FLVCR1: variants seen among roughly 807,000 people sequenced by gnomAD.
FLVCR1 encodes the protein FLVCR choline and heme transporter 1.
A neutral mutation model predicts 53.6 loss-of-function variants in FLVCR1; 34 were observed. The ratio of observed to expected loss-of-function variants is 0.63; its 90% CI spans 0.48 to 0.84. The LOEUF (loss-of-function observed/expected upper bound fraction) is 0.84, where lower values mean the gene tolerates loss of function less well. FLVCR1 is among the 40% of genes least tolerant of loss of function. The probability of loss-of-function intolerance (pLI) is 0.00; values close to 1 mark genes in which losing one functional copy is unlikely to be tolerated. For synonymous variants in FLVCR1, 300 were observed against 286.3 expected (o/e 1.05, Z -0.48); for missense variants, 677 against 696.7 (o/e 0.97, Z 0.32).
At chr1:212,885,015 C>CA (rs1183268851) in intron 4 of FLVCR1, among the ~76,000 whole-genome samples, 1 of 152,194 alleles carries the variant, frequency 6.6e-6, no homozygotes, top group Non-Finnish European at 1.5e-5. Context: ...AGAATCCTAA[C>CA]AAAAATCATT....
intron 2 of FLVCR1, among the ~76,000 whole-genome samples, chr1:212,867,691 A>G (rs1305883182): frequency 6.6e-6 from 1 of 152,228 alleles, no homozygotes; most frequent in Non-Finnish European, 1.5e-5. Context: ...CAATTAAAAT[A>G]CTTTCCTGAT....
At chr1:212,866,765 G>A (rs151039008) in intron 2 of FLVCR1, among the ~76,000 whole-genome samples, 207 of 152,060 alleles carry the variant, frequency 1.4e-3, no homozygotes, top group African/African-American at 4.9e-3. Flanking sequence ...GAAATGAGGG[G>A]AAAATAATGG....
chr1:212,872,656 T>A lies in FLVCR1; in HGVS notation c.884-22T>A, dbSNP rs765536154. 3.5e-5 allele frequency: 54 copies of A among 1,553,930 alleles called. 1 individual carries two copies. Among genetic ancestry groups the A allele is most frequent in the South Asian group, 3.0e-4 (27 of 89,712 alleles). On this transcript the variant is annotated intron_variant, in intron 2 of 9. Coordinates refer to ENST00000366971, the MANE Select transcript of FLVCR1 (RefSeq NM_014053.4). ...TTGTATATATATTAAATATACATAATCCTTTTCGTGTATATTCTCAGCCTT... is the reference window on the plus strand; with the variant it reads ...TTGTATATATATTAAATATACATAAACCTTTTCGTGTATATTCTCAGCCTT...
chr1:212,863,932 C>T, intron 2 of FLVCR1, 63 bp downstream of exon 2: 2 of 1,417,104 alleles, frequency 1.4e-6, no homozygotes, highest in South Asian at 2.3e-5. Flanking sequence ...GAATAACTAA[C>T]TCTGGAAATT....
intron 4 of FLVCR1, among the ~76,000 whole-genome samples, chr1:212,883,993 C>T (rs1425738281): frequency 6.6e-6 from 1 of 152,178 alleles, no homozygotes; most frequent in Non-Finnish European, 1.5e-5. Flanking sequence ...TTTAATTTAA[C>T]ATATTTAATC....
In FLVCR1 at chr1:212,898,934, A is replaced by G. The variant is rs986401377; in HGVS notation, c.*3644A>G. Reference sequence around the variant, plus strand: ...AGAACAGATAATACATTGTGCTACAATGTAACAATGGCTGTGGCATCACTA... The same window carrying G: ...AGAACAGATAATACATTGTGCTACAGTGTAACAATGGCTGTGGCATCACTA... On this transcript the variant is annotated 3_prime_UTR_variant, in exon 10 of 10. Coordinates refer to ENST00000366971, the MANE Select transcript of FLVCR1 (RefSeq NM_014053.4). 1 of 152,270 alleles carries G rather than the reference A, an allele frequency of 6.6e-6. No homozygotes were observed. The highest frequency in any genetic ancestry group is 6.5e-5 in the Admixed American group (1 of 15,282). 9.4% of individuals were successfully genotyped at this position (152,270 alleles called of 1,614,324 possible). A position where few individuals can be genotyped will look rare whatever the true frequency, so the allele number is the denominator to read the frequency against.
chr1:212,871,318 G>A (rs964945044), intron 2 of FLVCR1, among the ~76,000 whole-genome samples: 6 of 152,172 alleles, frequency 3.9e-5, no homozygotes, highest in African/African-American at 1.4e-4. Flanking sequence ...AGAGTTTAAA[G>A]TTTTGAGTCA....
At chr1:212,886,630 T>C (rs1445697814) in intron 5 of FLVCR1, among the ~76,000 whole-genome samples, 2 of 151,886 alleles carry the variant, frequency 1.3e-5, no homozygotes, top group Non-Finnish European at 2.9e-5. Flanking sequence ...TGAAACGCCA[T>C]CTCTACTGAA....
chr1:212,858,519 C>T lies in FLVCR1; in HGVS notation c.67C>T (p.Leu23Phe), dbSNP rs1664094507. ...CGGACACCCGCTCGCGAAAGGATAC[C>T]TCCCGTTGCCGAGGGGCGCGCCCGT... is the stretch of plus-strand genomic sequence containing the variant. ...APGHPLAKGY[L>F]PLPRGAPVGK... The change falls in exon 1 of 10, where the codon CTC (leucine) becomes TTC (phenylalanine). Residue 23 changes from leucine to phenylalanine, a missense_variant. Leu to Phe is a conservative substitution (Grantham distance 22, BLOSUM62 0). Transcript: ENST00000366971. 1.2e-5 allele frequency: 17 copies of T among 1,458,800 alleles called. No individual in the cohort carries two copies. Among genetic ancestry groups the T allele is most frequent in the Non-Finnish European group, 1.4e-5 (16 of 1,107,998 alleles). The allele number at this position is 1,458,800 out of a possible 1,614,324, so 90.4% of individuals were successfully genotyped here.
chr1:212,894,139 A>T (rs1665273301), intron 8 of FLVCR1, among the ~76,000 whole-genome samples: 2 of 151,506 alleles, frequency 1.3e-5, no homozygotes, highest in Admixed American at 1.3e-4. Context: ...ATGCTATTGC[A>T]AACTTTAAAT....
intron 3 of FLVCR1, among the ~76,000 whole-genome samples, chr1:212,880,779 G>C (rs1664898317): frequency 1.4e-5 from 2 of 139,058 alleles, no homozygotes; most frequent in South Asian, 4.8e-4. Context: ...CTGAGCAACA[G>C]AGTGAGACTC....
chr1:212,885,220 G>A, intron 4 of FLVCR1, 73 bp from the exon 5 acceptor site: 2 of 987,254 alleles, frequency 2.0e-6, no homozygotes, highest in South Asian at 1.3e-5. Flanking sequence ...ACTATGAAAA[G>A]GTGTGGGAAT....
chr1:212,872,691 A>AC lies in FLVCR1; in HGVS notation c.899dup (p.Arg301SerfsTer17), dbSNP rs771372444. 3.7e-6 allele frequency: 6 copies of AC among 1,613,200 alleles called. No homozygotes were observed. The highest frequency in any genetic ancestry group is 5.1e-6 in the Non-Finnish European group (6 of 1,179,402). On this transcript the variant is annotated frameshift_variant, in exon 3 of 10. Coordinates refer to ENST00000366971, the MANE Select transcript of FLVCR1 (RefSeq NM_014053.4). LOFTEE classifies it high-confidence loss of function. The stretch of plus-strand genomic sequence containing the variant: ...GTATATTCTCAGCCTTCAAAGAAAA[A>AC]CCTCGGTATCCACCAAGTCAGGCTC...
At chr1:212,895,088 G>A (rs751498198) in intron 9 of FLVCR1, 35 bp downstream of exon 9, 1 of 1,389,992 alleles carries the variant, frequency 7.2e-7, no homozygotes, top group Non-Finnish European at 1.0e-6. Flanking sequence ...CTGTTGAGAA[G>A]TATGTATAGA....
chr1:212,873,777 G>T (rs936624544), intron 3 of FLVCR1, among the ~76,000 whole-genome samples: 8 of 152,096 alleles, frequency 5.3e-5, no homozygotes, highest in African/African-American at 1.4e-4. Context: ...ATTTTTTGGG[G>T]AAACACACTC....
At chr1:212,867,270 T>G (rs969033930) in intron 2 of FLVCR1, among the ~76,000 whole-genome samples, 1 of 152,224 alleles carries the variant, frequency 6.6e-6, no homozygotes, top group African/African-American at 2.4e-5. Flanking sequence ...TTCCACTGAA[T>G]TTCACACTAA....
intron 8 of FLVCR1, among the ~76,000 whole-genome samples, chr1:212,890,469 A>AAG (rs1448258986): frequency 6.6e-6 from 1 of 152,044 alleles, no homozygotes. Flanking sequence ...CTAAAAAAAA[A>AAG]AAATTGCAAA....
chr1:212,877,362 G>A (rs545218337), intron 3 of FLVCR1, among the ~76,000 whole-genome samples: 105 of 151,864 alleles, frequency 6.9e-4, no homozygotes, highest in South Asian at 1.9e-3. Context: ...ACAGGCACCC[G>A]CCACCACGCC....
intron 2 of FLVCR1, among the ~76,000 whole-genome samples, chr1:212,864,803 T>C (rs1664358335): frequency 6.6e-6 from 1 of 152,210 alleles, no homozygotes; most frequent in Non-Finnish European, 1.5e-5. Flanking sequence ...TCTCCAGATA[T>C]AAAATTCTTA....
Sources: allele counts gnomAD v4.1 joint callset (sites outside exome capture counted in the v4.1 genomes callset), GRCh38; gene constraint gnomAD v4.1.1; transcripts MANE v1.5; gene names NCBI Gene and HGNC (gene_info 2026-07-23, HGNC 2026-07-21).